Variants in SEMA5B observed in about 807,000 individuals in gnomAD.
SEMA5B encodes semaphorin 5B.
A neutral mutation model predicts 135.0 loss-of-function variants in SEMA5B; 66 were observed. The ratio of observed to expected loss-of-function variants is 0.49; its 90% CI spans 0.40 to 0.60. SEMA5B has a LOEUF of 0.60. Among genes scored for constraint, SEMA5B ranks in the 20% least tolerant of loss-of-function variants. SEMA5B has a pLI of 0.00. For missense variants in SEMA5B, 1,501 were observed against 1,566.3 expected (o/e 0.96, Z 0.70); for synonymous variants, 690 against 639.5 (o/e 1.08, Z -1.19).
intron 1 of SEMA5B, among the ~76,000 whole-genome samples, chr3:122,987,153 A>G (rs185010158): frequency 8.3e-4 from 126 of 152,230 alleles, no homozygotes; most frequent in African/African-American, 2.9e-3. Context: ...ACCTCCAGTA[A>G]AGTGATGCCG....
intron 1 of SEMA5B, among the ~76,000 whole-genome samples, chr3:123,026,260 A>G (rs1184750354): frequency 6.6e-6 from 1 of 152,138 alleles, no homozygotes; most frequent in Non-Finnish European, 1.5e-5. Flanking sequence ...GCCGGGAAGG[A>G]GTGCATGCCA....
chr3:122,967,879 A>G (rs1940938811), intron 1 of SEMA5B, among the ~76,000 whole-genome samples: 1 of 152,196 alleles, frequency 6.6e-6, no homozygotes, highest in Non-Finnish European at 1.5e-5. Flanking sequence ...TGGTGTCAAG[A>G]CTAAGCTCTG....
intron 1 of SEMA5B, among the ~76,000 whole-genome samples, chr3:123,020,477 A>G (rs1233992180): frequency 6.6e-6 from 1 of 152,274 alleles, no homozygotes; most frequent in Admixed American, 6.5e-5. Context: ...CAATCAGCTT[A>G]TAATAGAAAG....
At chr3:122,915,348 T>A in intron 14 of SEMA5B, 92 bp downstream of exon 14, 1 of 1,278,964 alleles carries the variant, frequency 7.8e-7, no homozygotes, top group Non-Finnish European at 1.1e-6. Context: ...TTCTGTCCCT[T>A]AGTGCAAACA....
intron 1 of SEMA5B, among the ~76,000 whole-genome samples, chr3:122,990,852 A>G (rs1288256908): frequency 1.3e-5 from 2 of 152,180 alleles, no homozygotes; most frequent in African/African-American, 4.8e-5. Flanking sequence ...GATTTATTTC[A>G]TTATTGGTGC....
In SEMA5B at chr3:122,913,675, A is replaced by G. The variant is rs1445116126; in HGVS notation, c.2139T>C (p.Cys713=). ...GCACCGGGCAAGGCGTGTTCTCATTACAGAACCTGGGGTCGGGGGAGAGGC... is the reference window on the plus strand; with the variant it reads ...GCACCGGGCAAGGCGTGTTCTCATTGCAGAACCTGGGGTCGGGGGAGAGGC... ...CVGKSREERF[C]NENTPCPVPI... Residue 713 remains cysteine (C), a synonymous_variant, in exon 16 of 23, where the codon TGT becomes TGC. Coordinates refer to ENST00000357599, the MANE Select transcript of SEMA5B (RefSeq NM_001031702.4). 6.2e-7 allele frequency: 1 copy of G among 1,613,606 alleles called. No homozygotes were observed. Among genetic ancestry groups the G allele is most frequent in the South Asian group, 1.1e-5 (1 of 91,058 alleles).
At position 122,955,170 on chromosome 3, in the gene SEMA5B, A is replaced by T. The variant is rs1940232724; in HGVS notation, c.124+5970T>A. Among the ~76,000 whole-genome samples, 3 of 151,460 alleles carry T rather than the reference A, an allele frequency of 2.0e-5. No homozygotes were observed. The South Asian group carries it at 6.3e-4, about 32-fold the overall frequency. Reference sequence around the variant, plus strand: ...AACAAAGGACGTGACCTTTAGCCATATGCTAAGCTAGGTGGAACCTGGAAT... The same window carrying T: ...AACAAAGGACGTGACCTTTAGCCATTTGCTAAGCTAGGTGGAACCTGGAAT... On this transcript the variant is annotated intron_variant, in intron 2 of 22. Transcript: ENST00000357599.
At chr3:122,969,376 G>T (rs1321045726) in intron 1 of SEMA5B, among the ~76,000 whole-genome samples, 1 of 152,176 alleles carries the variant, frequency 6.6e-6, no homozygotes, top group Non-Finnish European at 1.5e-5. Flanking sequence ...ACAGAGAAGG[G>T]ATACCACCCA....
At chr3:122,982,514 C>T (rs909661285) in intron 1 of SEMA5B, among the ~76,000 whole-genome samples, 6 of 152,182 alleles carry the variant, frequency 3.9e-5, no homozygotes, top group Non-Finnish European at 7.4e-5. Context: ...TTTCTGCCAC[C>T]GCTCCCGCCC....
rs1055818281 is a variant in SEMA5B at position 122,913,809 on chromosome 3, G to T, written c.2132+49C>A. Reference sequence around the variant, plus strand: ...ACGAGGAGAATCCAGGCCACTTTCTGGGGGGCCCGGTTAGTCTGGGACCTC... The same window carrying T: ...ACGAGGAGAATCCAGGCCACTTTCTTGGGGGCCCGGTTAGTCTGGGACCTC... On this transcript the variant is annotated intron_variant, in intron 15 of 22. Coordinates refer to ENST00000357599, the MANE Select transcript of SEMA5B (RefSeq NM_001031702.4). 5.1e-6 allele frequency: 8 copies of T among 1,565,468 alleles called. 1 individual carries two copies. The South Asian group carries it at 9.6e-5, about 19-fold the overall frequency.
rs1284674552 is a variant in SEMA5B at position 122,913,518 on chromosome 3, C to G, written c.2280+16G>C. The G allele has an allele frequency of 1.9e-6, 3 of 1,605,218 alleles. No homozygotes were observed. The highest frequency in any genetic ancestry group is 2.5e-6 in the Non-Finnish European group (3 of 1,177,352). ...TACCCTACACCGCGCCCCTGGCCCA[C>G]GGCCCCAACCCTCACCACGCCGCAG... On this transcript the variant is annotated intron_variant, in intron 16 of 22. Coordinates refer to ENST00000357599, the MANE Select transcript of SEMA5B (RefSeq NM_001031702.4).
At chr3:122,956,346 C>A (rs890489438) in intron 2 of SEMA5B, among the ~76,000 whole-genome samples, 1 of 152,206 alleles carries the variant, frequency 6.6e-6, no homozygotes, top group African/African-American at 2.4e-5. Context: ...AATGCACGCC[C>A]ATGCACACGC....
intron 1 of SEMA5B, among the ~76,000 whole-genome samples, chr3:122,973,607 G>A (rs1001553503): frequency 1.3e-5 from 2 of 152,222 alleles, no homozygotes; most frequent in African/African-American, 4.8e-5. Context: ...TTATGTTATC[G>A]CAGTTATGAT....
At chr3:122,927,718 T>C in intron 8 of SEMA5B, 72 bp downstream of exon 8, 1 of 1,145,310 alleles carries the variant, frequency 8.7e-7, no homozygotes, top group Middle Eastern at 2.7e-4. Flanking sequence ...GGAGGATGAA[T>C]GGGGGGCTCA....
rs1299953718 is a variant in SEMA5B, at chr3:122,909,517, C to T, written c.*626G>A. On this transcript the variant is annotated 3_prime_UTR_variant, in exon 23 of 23. Transcript: ENST00000357599. ...AAAGGACTTCTAAGCACAGGTCAGC[C>T]TCCAGTTCCCAGTACTCACTGCCTC... 1 of 152,928 alleles carries T rather than the reference C, an allele frequency of 6.5e-6. No individual in the cohort carries two copies. Among genetic ancestry groups the T allele is most frequent in the African/African-American group, 2.4e-5 (1 of 41,462 alleles). The allele number at this position is 152,928 out of a possible 1,614,324, so 9.5% of individuals were successfully genotyped here. A position where few individuals can be genotyped will look rare whatever the true frequency, so the allele number is the denominator to read the frequency against.
intron 1 of SEMA5B, among the ~76,000 whole-genome samples, chr3:123,018,122 C>T (rs1048195605): frequency 6.6e-6 from 1 of 152,192 alleles, no homozygotes; most frequent in East Asian, 1.9e-4. Flanking sequence ...AGCCTCAGAG[C>T]CGCAAAGACA....
intron 1 of SEMA5B, among the ~76,000 whole-genome samples, chr3:122,998,459 C>T (rs1942081900): frequency 6.6e-6 from 1 of 152,174 alleles, no homozygotes; most frequent in South Asian, 2.1e-4. Flanking sequence ...GATAAAAGTT[C>T]CAGGCTTATC....
intron 1 of SEMA5B, among the ~76,000 whole-genome samples, chr3:123,019,266 A>G (rs1370387639): frequency 1.3e-5 from 2 of 152,180 alleles, no homozygotes; most frequent in African/African-American, 4.8e-5. Context: ...TTTATTTCTC[A>G]AGGTTTCAGT....
chr3:123,025,683 A>G (rs1942781410), intron 1 of SEMA5B, among the ~76,000 whole-genome samples: 1 of 152,156 alleles, frequency 6.6e-6, no homozygotes, highest in African/African-American at 2.4e-5. Context: ...ACTCACCTAC[A>G]CACACCTTTC....
Sources: gnomAD v4.1 joint callset for allele counts (sites outside exome capture counted in the v4.1 genomes callset) on GRCh38, gnomAD v4.1.1 for gene constraint, MANE v1.5 for transcripts, NCBI Gene and HGNC (gene_info 2026-07-23, HGNC 2026-07-21) for gene names.